Variants in LY75 observed in about 807,000 individuals in gnomAD.
LY75 encodes the protein lymphocyte antigen 75.
LY75 carries 185 observed loss-of-function variants against 231.7 expected under a neutral mutation model. That is an observed-to-expected ratio of 0.80 (90% CI 0.71 to 0.90). LY75 has a LOEUF of 0.90. LY75 is among the 40% of genes least tolerant of loss of function. LY75 has a pLI of 0.00. For missense variants in LY75, 1,947 were observed against 2,050.2 expected (o/e 0.95, Z 0.97); for synonymous variants, 668 against 689.0 (o/e 0.97, Z 0.48).
Position 159,846,014 on chromosome 2 carries a change from T to G in LY75, c.3151-3640A>C, listed in dbSNP as rs1418211008. On this transcript the variant is annotated intron_variant, in intron 23 of 34. Transcript: ENST00000263636. ...GGTTTTGCTGTGTTGCCCAGGCTGGTCTCTGGTCTCAAATTCCTGGGCTCA... is the reference window on the plus strand; with the variant it reads ...GGTTTTGCTGTGTTGCCCAGGCTGGGCTCTGGTCTCAAATTCCTGGGCTCA... Among the ~76,000 whole-genome samples the G allele has an allele frequency of 2.6e-5, 4 of 151,190 alleles. No homozygotes were observed. The East Asian group carries it at 8.0e-4, about 30-fold the overall frequency.
At chr2:159,885,347 G>A in intron 5 of LY75, 54 bp from the exon 6 acceptor site, 2 of 1,555,018 alleles carry the variant, frequency 1.3e-6, no homozygotes, top group East Asian at 2.3e-5. Context: ...GGGCCAGGAT[G>A]GTGTCAGAAA....
intron 20 of LY75, among the ~76,000 whole-genome samples, chr2:159,852,626 C>A (rs1478579301): frequency 6.6e-6 from 1 of 151,972 alleles, no homozygotes; most frequent in African/African-American, 2.4e-5. Flanking sequence ...ACCACGTTGG[C>A]CAGGCTGGTC....
intron 1 of LY75, among the ~76,000 whole-genome samples, chr2:159,901,796 G>A (rs1343913470): frequency 6.6e-6 from 1 of 152,182 alleles, no homozygotes; most frequent in African/African-American, 2.4e-5. Context: ...GACACTTATA[G>A]TGGTCACTTA....
chr2:159,892,846 T>C (rs1685801207), intron 3 of LY75, among the ~76,000 whole-genome samples: 2 of 152,164 alleles, frequency 1.3e-5, no homozygotes, highest in Non-Finnish European at 1.5e-5. Flanking sequence ...GAAAAAGCAC[T>C]CTGACAAACA....
chr2:159,815,478 A>AT lies in LY75; in HGVS notation c.4475dup (p.Asp1492GlufsTer9). 6.2e-7 allele frequency: 1 copy of AT among 1,613,892 alleles called. No individual in the cohort carries two copies. Among genetic ancestry groups the AT allele is most frequent in the Non-Finnish European group, 8.5e-7 (1 of 1,179,938 alleles). Reference sequence around the variant, plus strand: ...TTTCATGTTTCCAAGTTCCTTTTGGATCCAAGAGAACACAATTTCCAGGAG... The same window carrying AT: ...TTTCATGTTTCCAAGTTCCTTTTGGATTCCAAGAGAACACAATTTCCAGGAG... On this transcript the variant is annotated frameshift_variant, in exon 31 of 35. Coordinates refer to ENST00000263636, the MANE Select transcript of LY75 (RefSeq NM_002349.4). LOFTEE classifies it high-confidence loss of function.
In LY75 at chr2:159,878,855, T is replaced by A. The variant is rs778694042; in HGVS notation, c.1516-134A>T. ...AGGACATGGCTATTGAAATCATACA[T>A]GTGATGAGGGTGGGATGCAATTTCA... On this transcript the variant is annotated intron_variant, in intron 9 of 34. Transcript: ENST00000263636. 3 of 952,196 alleles carry A rather than the reference T, an allele frequency of 3.2e-6. No homozygotes were observed. The African/African-American group carries it at 4.9e-5, about 16-fold the overall frequency. The allele number at this position is 952,196 out of a possible 1,614,324, so 59.0% of individuals were successfully genotyped here.
rs2303548 is a variant in LY75, at chr2:159,835,467, G to A, written c.3673+13C>T. 0.17 allele frequency: 271,791 copies of A among 1,570,638 alleles called. 25,212 individuals are homozygous for A. Among genetic ancestry groups the A allele is most frequent in the East Asian group, 0.29 (12,341 of 42,688 alleles). On this transcript the variant is annotated intron_variant, in intron 26 of 34. Coordinates refer to ENST00000263636, the MANE Select transcript of LY75 (RefSeq NM_002349.4). ...TAATAATTTAAGAATTAAAAGATCT[G>A]AAATTCACATACTTCCTGAATAGTA... is the stretch of plus-strand genomic sequence containing the variant.
chr2:159,819,734 A>G lies in LY75; in HGVS notation c.4145T>C (p.Ile1382Thr). 1.2e-6 allele frequency: 2 copies of G among 1,608,988 alleles called. No individual in the cohort carries two copies. Among genetic ancestry groups the G allele is most frequent in the Middle Eastern group, 3.4e-4 (2 of 5,854 alleles). ...FHQHSILACKIEMVDYKEEYN... is the reference protein window; with the variant it reads ...FHQHSILACKTEMVDYKEEYN... ...TATTTTACTATACTTACCCATTTCA[A>G]TTTTACAAGCAAGAATGCTGTGCTG... Residue 1382 changes from isoleucine to threonine, a missense_variant, in exon 29 of 35, where the codon ATT becomes ACT. Physicochemically the swap from Ile to Thr is moderately conservative, Grantham distance 89 (BLOSUM62 -1). Transcript: ENST00000263636.
chr2:159,841,536 A>G (rs1684028460), intron 24 of LY75, among the ~76,000 whole-genome samples: 1 of 152,186 alleles, frequency 6.6e-6, no homozygotes, highest in Non-Finnish European at 1.5e-5. Context: ...ACACATTGTG[A>G]TCAATGAAAA....
intron 25 of LY75, among the ~76,000 whole-genome samples, chr2:159,836,563 A>G (rs1683835208): frequency 6.6e-6 from 1 of 152,174 alleles, no homozygotes; most frequent in Non-Finnish European, 1.5e-5. Context: ...TAACAGACCC[A>G]CTGAGCTAAG....
chr2:159,882,069 A>T (rs1196403609), intron 7 of LY75, 55 bp downstream of exon 7: 1 of 1,553,212 alleles, frequency 6.4e-7, no homozygotes, highest in East Asian at 2.3e-5. Flanking sequence ...GTCTAAAACC[A>T]GGGATACTTT....
At chr2:159,858,274 T>C (rs1245263362) in intron 16 of LY75, 88 bp downstream of exon 16, 1 of 1,491,786 alleles carries the variant, frequency 6.7e-7, no homozygotes, top group African/African-American at 1.4e-5. Flanking sequence ...ATCAGAATTA[T>C]AGATCAAAAT....
At position 159,804,981 on chromosome 2, in the gene LY75, G is replaced by A; in HGVS notation, c.*63C>T. Reference sequence around the variant, plus strand: ...GGAGCAGAGTAAATACTGACACTGGGACATTTTAAGTGACTAATTTCTCAT... The same window carrying A: ...GGAGCAGAGTAAATACTGACACTGGAACATTTTAAGTGACTAATTTCTCAT... On this transcript the variant is annotated 3_prime_UTR_variant, in exon 35 of 35. Transcript: ENST00000263636. 7.6e-7 allele frequency: 1 copy of A among 1,320,704 alleles called. No homozygotes were observed. The highest frequency in any genetic ancestry group is 1.1e-6 in the Non-Finnish European group (1 of 930,532). The allele number at this position is 1,320,704 out of a possible 1,614,324, so 81.8% of individuals were successfully genotyped here.
intron 28 of LY75, among the ~76,000 whole-genome samples, chr2:159,824,530 C>T (rs544302870): frequency 1.3e-5 from 2 of 152,290 alleles, no homozygotes; most frequent in African/African-American, 2.4e-5. Context: ...GAGACTTTAA[C>T]ACCCCACTGT....
At chr2:159,842,724 C>A (rs1251454973) in intron 23 of LY75, among the ~76,000 whole-genome samples, 1 of 152,030 alleles carries the variant, frequency 6.6e-6, no homozygotes, top group African/African-American at 2.4e-5. Flanking sequence ...CTTTTTGTAA[C>A]AAGTTGTGTA....
intron 33 of LY75, 88 bp downstream of exon 33, chr2:159,808,361 T>G: frequency 6.2e-7 from 1 of 1,604,024 alleles, no homozygotes; most frequent in Non-Finnish European, 8.5e-7. Context: ...AATTAGCCAC[T>G]ACTTAACATT....
At chr2:159,843,267 C>T (rs13426815) in intron 23 of LY75, among the ~76,000 whole-genome samples, 7,174 of 152,046 alleles carry the variant, frequency 0.047, 515 homozygotes, top group African/African-American at 0.16. Flanking sequence ...CAATAACATG[C>T]ATCTGTTTTT....
intron 11 of LY75, 155 bp from the exon 12 acceptor site, chr2:159,875,798 T>C (rs567380671): frequency 2.7e-5 from 13 of 474,332 alleles, no homozygotes; most frequent in Admixed American, 1.9e-4. Flanking sequence ...AGAATAATAA[T>C]GACAGGTGTT....
chr2:159,823,992 A>AC (rs1460392473), intron 28 of LY75, among the ~76,000 whole-genome samples: 1 of 152,226 alleles, frequency 6.6e-6, no homozygotes, highest in African/African-American at 2.4e-5. Context: ...CCACTGCAAA[A>AC]CATACCAAAC....
Sources: gnomAD v4.1 joint callset for allele counts (sites outside exome capture counted in the v4.1 genomes callset) on GRCh38, gnomAD v4.1.1 for gene constraint, MANE v1.5 for transcripts, NCBI Gene and HGNC (gene_info 2026-07-23, HGNC 2026-07-21) for gene names.